PTGR1: variants seen among roughly 807,000 people sequenced by gnomAD.
The protein encoded by PTGR1 is 15-oxoprostaglandin 13-reductase.
In PTGR1, 23 loss-of-function variants were observed where a neutral mutation model predicts 37.7. The observed-to-expected ratio is 0.61, with a 90% CI of 0.44 to 0.86. The LOEUF is 0.86. Among genes scored for constraint, PTGR1 ranks in the 40% least tolerant of loss-of-function variants. The probability of loss-of-function intolerance (pLI) is 0.00; values close to 1 mark genes in which losing one functional copy is unlikely to be tolerated. For missense variants in PTGR1, 351 were observed against 394.3 expected (o/e 0.89, Z 0.93); for synonymous variants, 134 against 140.0 (o/e 0.96, Z 0.30).
intron 4 of PTGR1, chr9:111,589,445 C>T (rs1589318577): frequency 3.2e-5 from 26 of 807,268 alleles, no homozygotes; most frequent in Non-Finnish European, 3.9e-5. Flanking sequence ...TTTTAAGAGA[C>T]AGGGTTTTGC....
At chr9:111,552,233 T>A (rs1009792248) in intron 9 of PTGR1, among the ~76,000 whole-genome samples, 1 of 152,238 alleles carries the variant, frequency 6.6e-6, no homozygotes, top group Non-Finnish European at 1.5e-5. Context: ...AAAATTCTTT[T>A]GTAAGTCATC....
intron 9 of PTGR1, among the ~76,000 whole-genome samples, chr9:111,567,115 G>C (rs1030470454): frequency 6.6e-6 from 1 of 151,654 alleles, no homozygotes; most frequent in Non-Finnish European, 1.5e-5. Flanking sequence ...GGGGGGCGTG[G>C]GATATGGAGG....
At chr9:111,573,456 T>C (rs1828920104) in intron 8 of PTGR1, among the ~76,000 whole-genome samples, 1 of 152,198 alleles carries the variant, frequency 6.6e-6, no homozygotes, top group Non-Finnish European at 1.5e-5. Context: ...AGTGGGGCTA[T>C]AAGGTTTCAT....
Position 111,597,309 on chromosome 9 carries a change from T to C in PTGR1, c.106+8A>G, listed in dbSNP as rs758887916. On this transcript the variant is annotated splice_region_variant and intron_variant, in intron 2 of 9. Coordinates refer to ENST00000407693, the MANE Select transcript of PTGR1 (RefSeq NM_001146108.2). ...TTCCAACTCTGAAATATTTTTAGTA[T>C]GACTTACCTCCATTTTTTAAGGGTG... 1 of 1,585,246 alleles carries C rather than the reference T, an allele frequency of 6.3e-7. No individual in the cohort carries two copies. Among genetic ancestry groups the C allele is most frequent in the East Asian group, 2.2e-5 (1 of 44,740 alleles).
At chr9:111,571,634 C>T (rs1006252944) in intron 8 of PTGR1, among the ~76,000 whole-genome samples, 1 of 150,924 alleles carries the variant, frequency 6.6e-6, no homozygotes, top group Non-Finnish European at 1.5e-5. Flanking sequence ...CATGCCACCA[C>T]ACCTGGCTAA....
chr9:111,586,987 G>C (rs1248682238), intron 4 of PTGR1, among the ~76,000 whole-genome samples: 1 of 151,850 alleles, frequency 6.6e-6, no homozygotes, highest in Non-Finnish European at 1.5e-5. Flanking sequence ...ACTAATTTTT[G>C]TATATTTAGT....
intron 8 of PTGR1, chr9:111,574,101 C>T (rs1227597834): frequency 1.3e-5 from 2 of 152,230 alleles, no homozygotes; most frequent in South Asian, 2.1e-4. Flanking sequence ...CTCGCACCTC[C>T]AGCAATGTCT....
rs375892629 is a variant in PTGR1, at chr9:111,578,959, GAAA to G, written c.496-11_496-9del. The G allele has an allele frequency of 9.3e-4, 1,147 of 1,235,996 alleles. No individual in the cohort carries two copies. Among genetic ancestry groups the G allele is most frequent in the South Asian group, 3.1e-3 (185 of 58,834 alleles). 76.6% of individuals were successfully genotyped at this position (1,235,996 alleles called of 1,614,324 possible). Reference sequence around the variant, plus strand: ...TCCAACAACTTTGCAGCCCTAAGTAGAAAAAAAAAAAAAAAGGAAACCATGAAT... The same window carrying G: ...TCCAACAACTTTGCAGCCCTAAGTAGAAAAAAAAAAAAGGAAACCATGAAT... On this transcript the variant is annotated splice_polypyrimidine_tract_variant and intron_variant, in intron 6 of 9. Coordinates refer to ENST00000407693, the MANE Select transcript of PTGR1 (RefSeq NM_001146108.2).
In PTGR1 at chr9:111,597,344, C is replaced by G. The variant is rs1053959; in HGVS notation, c.79G>C (p.Ala27Pro). The G allele has an allele frequency of 6.2e-7, 1 of 1,610,190 alleles. No individual in the cohort carries two copies. Among genetic ancestry groups the G allele is most frequent in the African/African-American group, 1.3e-5 (1 of 74,782 alleles). The change falls in exon 2 of 10, where the codon GCT becomes CCT. Residue 27 changes from alanine to proline, a missense_variant. Coordinates refer to ENST00000407693, the MANE Select transcript of PTGR1 (RefSeq NM_001146108.2). ...PTNSDFELKT[A>P]ELPPLKNGEV... ...CCATTTTTTAAGGGTGGGAGCTCAG[C>G]TGTCTTCAACTCAAAGTCACTATTA...
chr9:111,565,397 A>G (rs1205286830), intron 9 of PTGR1, among the ~76,000 whole-genome samples: 1 of 152,254 alleles, frequency 6.6e-6, no homozygotes, highest in Non-Finnish European at 1.5e-5. Flanking sequence ...ATTTTGGTAG[A>G]CCTAACAAAC....
intron 9 of PTGR1, among the ~76,000 whole-genome samples, chr9:111,555,224 A>C (rs1373677670): frequency 6.6e-6 from 1 of 152,214 alleles, no homozygotes; most frequent in Non-Finnish European, 1.5e-5. Context: ...TTGGCAAAAG[A>C]TAATGCCTCT....
downstream of PTGR1, among the ~76,000 whole-genome samples, chr9:111,562,222 T>C (rs181887045): frequency 1.4e-4 from 21 of 152,014 alleles, no homozygotes; most frequent in Admixed American, 5.2e-4. Context: ...AAGATGTTAT[T>C]ATCCTCACTT....
chr9:111,592,792 T>G, intron 4 of PTGR1, 134 bp downstream of exon 4: 1 of 1,228,858 alleles, frequency 8.1e-7, no homozygotes, highest in Non-Finnish European at 1.1e-6. Flanking sequence ...ATTTCCCAAG[T>G]TGATTCCAAG....
chr9:111,567,458 T>C (rs1414141839), intron 9 of PTGR1, among the ~76,000 whole-genome samples: 1 of 152,176 alleles, frequency 6.6e-6, no homozygotes, highest in African/African-American at 2.4e-5. Flanking sequence ...GTGCTGGGAT[T>C]ACAAGTGTGA....
At chr9:111,597,084 G>C (rs2132448708) in intron 2 of PTGR1, among the ~76,000 whole-genome samples, 1 of 152,240 alleles carries the variant, frequency 6.6e-6, no homozygotes, top group Non-Finnish European at 1.5e-5. Flanking sequence ...CCAACAGAAA[G>C]CCTGCTAATC....
intron 6 of PTGR1, 55 bp downstream of exon 6, chr9:111,583,417 G>T (rs1171449010): frequency 7.1e-7 from 1 of 1,411,134 alleles, no homozygotes; most frequent in Non-Finnish European, 1.0e-6. Context: ...TGTGTTCACT[G>T]TTGCATTCCC....
chr9:111,589,757 C>T (rs1829550041), intron 4 of PTGR1, among the ~76,000 whole-genome samples: 1 of 151,676 alleles, frequency 6.6e-6, no homozygotes, highest in Non-Finnish European at 1.5e-5. Flanking sequence ...GCCTCAGCTT[C>T]CCAAGTAGCT....
chr9:111,564,439 G>A (rs1291807861), intron 9 of PTGR1, among the ~76,000 whole-genome samples: 1 of 151,820 alleles, frequency 6.6e-6, no homozygotes, highest in African/African-American at 2.4e-5. Context: ...CTGAGTAGCT[G>A]GGACTACAGG....
At chr9:111,564,290 T>TTAA (rs1486135784) in intron 9 of PTGR1, 1 of 579,906 alleles carries the variant, frequency 1.7e-6, no homozygotes, top group Non-Finnish European at 2.2e-6. Context: ...ATTATTATTA[T>TTAA]TATTATTATT....
Sources: allele counts gnomAD v4.1 joint callset (sites outside exome capture counted in the v4.1 genomes callset), GRCh38; gene constraint gnomAD v4.1.1; transcripts MANE v1.5; gene names NCBI Gene and HGNC (gene_info 2026-07-23, HGNC 2026-07-21).